Variants in TENM1 observed in about 807,000 individuals in gnomAD.
TENM1 encodes teneurin-1.
Under a neutral mutation model 174.8 loss-of-function variants are expected in TENM1, and 35 were observed. The ratio of observed to expected loss-of-function variants is 0.20; its 90% CI spans 0.15 to 0.27. The LOEUF is 0.27. Ranked by LOEUF, TENM1 falls within the 10% of genes least tolerant of loss-of-function variation. The pLI is 1.00. For missense variants in TENM1, 1,633 were observed against 2,130.1 expected, an observed-to-expected ratio of 0.77 and a Z score of 4.59; for synonymous variants, 781 against 798.7, an observed-to-expected ratio of 0.98 and a Z score of 0.37.
chrX:125,064,024 G>A, the TENM1 span, among the ~76,000 whole-genome samples: 1 of 110,825 alleles, frequency 9.0e-6, no homozygotes, highest in African/African-American at 3.3e-5. Context: ...CATGGATGAA[G>A]CTGGAAACCA....
At chrX:124,634,053 G>A (rs2050821601) in intron 11 of TENM1, among the ~76,000 whole-genome samples, 1 of 111,317 alleles carries the variant, frequency 9.0e-6, no homozygotes, top group Admixed American at 9.6e-5. Context: ...TTTTTTTACT[G>A]AGTAGAAAAA....
chrX:124,927,765 C>T (rs904799545), intron 1 of TENM1, among the ~76,000 whole-genome samples: 41 of 111,324 alleles, frequency 3.7e-4, no homozygotes, highest in African/African-American at 1.3e-3. Flanking sequence ...AGTGTTGAAC[C>T]ACCACCAGTC....
the TENM1 span, among the ~76,000 whole-genome samples, chrX:124,988,139 A>G: frequency 8.9e-6 from 1 of 111,844 alleles, no homozygotes; most frequent in Non-Finnish European, 1.9e-5. Context: ...ATACCTTGAG[A>G]TTAAGAAGTG....
intron 4 of TENM1, among the ~76,000 whole-genome samples, chrX:124,721,453 T>C (rs1468340156): frequency 1.8e-5 from 2 of 112,180 alleles, no homozygotes; most frequent in Non-Finnish European, 3.8e-5. Context: ...AAAAGTTCTA[T>C]TTAACCTTAA....
At chrX:124,611,327 T>C (rs1307797296) in intron 11 of TENM1, among the ~76,000 whole-genome samples, 3 of 111,889 alleles carry the variant, frequency 2.7e-5, no homozygotes, top group Admixed American at 9.5e-5. Flanking sequence ...CACGTGATGA[T>C]GCCTAACTGA....
At chrX:124,710,398 G>C (rs773444632) in intron 4 of TENM1, among the ~76,000 whole-genome samples, 11 of 112,093 alleles carry the variant, frequency 9.8e-5, no homozygotes, top group Non-Finnish European at 2.1e-4. Context: ...ATTTATGAAG[G>C]AGAATAATTG....
intron 3 of TENM1, among the ~76,000 whole-genome samples, chrX:124,775,145 T>C (rs1452053954): frequency 4.5e-5 from 5 of 109,892 alleles, no homozygotes; most frequent in Non-Finnish European, 5.7e-5. Context: ...CCGTCTCTAC[T>C]AAAAATACAA....
chrX:124,841,667 A>G (rs2056503971), intron 3 of TENM1, among the ~76,000 whole-genome samples: 2 of 109,639 alleles, frequency 1.8e-5, no homozygotes. Flanking sequence ...AATTTGATAG[A>G]CATGGAATCA....
chrX:124,983,661 C>T, the TENM1 span, among the ~76,000 whole-genome samples: 1 of 111,292 alleles, frequency 9.0e-6, no homozygotes, highest in Admixed American at 9.6e-5. Context: ...TGCTCTGTCA[C>T]CCAGGCTGGA....
intron 11 of TENM1, among the ~76,000 whole-genome samples, chrX:124,595,914 T>C (rs1176982097): frequency 8.9e-6 from 1 of 112,145 alleles, no homozygotes; most frequent in Non-Finnish European, 1.9e-5. Context: ...CTGACCTGAC[T>C]CTGAAAACTA....
chrX:124,460,791 T>G (rs73546700), intron 22 of TENM1, among the ~76,000 whole-genome samples: 10,482 of 109,881 alleles, frequency 0.095, 454 homozygotes, highest in Admixed American at 0.15. Flanking sequence ...CTGAGTTTAA[T>G]GCCCATTCTC....
chrX:124,907,005 G>T (rs2057758871), intron 1 of TENM1, among the ~76,000 whole-genome samples: 1 of 111,091 alleles, frequency 9.0e-6, no homozygotes, highest in African/African-American at 3.3e-5. Context: ...TTGTGGTGAT[G>T]TTTTCATGGA....
Position 124,540,875 on chromosome X carries a change from A to G in TENM1, c.2651+5999T>C, listed in dbSNP as rs2048303981. 3.6e-5 allele frequency among the ~76,000 whole-genome samples: 4 copies of G among 111,372 alleles called. No individual in the cohort carries two copies. The Admixed American group carries it at 3.8e-4, about 11-fold the overall frequency. On this transcript the variant is annotated intron_variant, in intron 15 of 31. Transcript: ENST00000422452. ...CCAGTTAGCAGCAGTCTTCCTGCTG[A>G]CCTCCTGATATTGCTCCTTATATTC...
At chrX:124,641,834 T>A (rs148717934) in exon 11 of TENM1, 2 of 1,210,064 alleles carry the variant, frequency 1.7e-6, no homozygotes, top group African/African-American at 1.7e-5. Context: ...CACAGCTGCA[T>A]ACTCCAGCGT....
chrX:124,434,027 A>G (rs1379225229), intron 23 of TENM1, among the ~76,000 whole-genome samples: 1 of 111,968 alleles, frequency 8.9e-6, no homozygotes, highest in Non-Finnish European at 1.9e-5. Flanking sequence ...CAGAAAGTCT[A>G]TGAGGTCAAA....
intron 11 of TENM1, among the ~76,000 whole-genome samples, chrX:124,623,160 T>G (rs745813898): frequency 1.2e-4 from 13 of 112,072 alleles, no homozygotes; most frequent in Non-Finnish European, 2.3e-4. Flanking sequence ...TGTGTCAATT[T>G]ATGTGTAAAT....
the TENM1 span, among the ~76,000 whole-genome samples, chrX:125,030,882 T>C: frequency 2.7e-5 from 3 of 112,167 alleles, no homozygotes; most frequent in African/African-American, 6.5e-5. Flanking sequence ...GAATAAAATA[T>C]GTTTTGGATA....
the TENM1 span, among the ~76,000 whole-genome samples, chrX:125,042,719 C>T: frequency 9.0e-6 from 1 of 111,405 alleles, no homozygotes; most frequent in Non-Finnish European, 1.9e-5. Context: ...AAGAGTAGGA[C>T]ATTCATGTGA....
chrX:125,178,399 C>T, the TENM1 span, among the ~76,000 whole-genome samples: 1 of 111,388 alleles, frequency 9.0e-6, no homozygotes, highest in Non-Finnish European at 1.9e-5. Context: ...ACTTCTACTG[C>T]TCCTCAAAAT....
Sources: allele counts gnomAD v4.1 joint callset (sites outside exome capture counted in the v4.1 genomes callset), GRCh38; gene constraint gnomAD v4.1.1; transcripts MANE v1.5; gene names NCBI Gene and HGNC (gene_info 2026-07-23, HGNC 2026-07-21).